Variants in HDAC9 observed in about 807,000 individuals in gnomAD.
HDAC9 encodes the protein MEF-2 interacting transcription repressor (MITR) protein.
HDAC9 carries 41 observed loss-of-function variants against 139.4 expected under a neutral mutation model. The observed-to-expected ratio is 0.29, with a 90% CI of 0.23 to 0.38. The LOEUF (loss-of-function observed/expected upper bound fraction) is 0.38. Among genes scored for constraint, HDAC9 ranks in the 10% least tolerant of loss-of-function variants. The pLI is 1.00. For missense variants in HDAC9, 1,147 were observed against 1,297.0 expected, an observed-to-expected ratio of 0.88 and a Z score of 1.78; for synonymous variants, 517 against 476.2, an observed-to-expected ratio of 1.09 and a Z score of -1.12.
chr7:18,579,795 GTGTGTGTGTGTGTA>G (rs1169339295), intron 2 of HDAC9, among the ~76,000 whole-genome samples: 1 of 151,990 alleles, frequency 6.6e-6, no homozygotes, highest in African/African-American at 2.4e-5. Context: ...CCATGCCTGT[GTGTGTGTGTGTGTA>G]TGTGTGTGTG....
At chr7:18,213,477 T>C (rs1395609571) in intron 2 of HDAC9, among the ~76,000 whole-genome samples, 2 of 152,188 alleles carry the variant, frequency 1.3e-5, no homozygotes, top group South Asian at 2.1e-4. Context: ...TGCTTATTAA[T>C]GTGGTAGTTC....
intron 1 of HDAC9, among the ~76,000 whole-genome samples, chr7:18,481,744 T>C (rs1204022042): frequency 6.6e-6 from 1 of 152,226 alleles, no homozygotes; most frequent in African/African-American, 2.4e-5. Context: ...AGTTGTGATA[T>C]GAATCTTCAG....
At chr7:18,649,768 A>G (rs981542524) in intron 11 of HDAC9, among the ~76,000 whole-genome samples, 22 of 152,114 alleles carry the variant, frequency 1.4e-4, no homozygotes, top group Admixed American at 7.2e-4. Flanking sequence ...CCATCGTAAC[A>G]AGGGCAGAGC....
At chr7:18,815,484 G>A (rs1031861909) in intron 17 of HDAC9, among the ~76,000 whole-genome samples, 2 of 152,138 alleles carry the variant, frequency 1.3e-5, no homozygotes, top group Non-Finnish European at 2.9e-5. Flanking sequence ...TTCATAAAAG[G>A]CTCAACTTAA....
At chr7:18,708,690 G>T (rs996818877) in intron 12 of HDAC9, among the ~76,000 whole-genome samples, 4 of 152,254 alleles carry the variant, frequency 2.6e-5, no homozygotes, top group African/African-American at 9.6e-5. Context: ...AAAGGTTTGG[G>T]CTGTGAATGG....
intron 21 of HDAC9, among the ~76,000 whole-genome samples, chr7:18,856,628 C>T (rs1007724556): frequency 6.6e-6 from 1 of 152,088 alleles, no homozygotes; most frequent in Admixed American, 6.6e-5. Flanking sequence ...TACAAATGTG[C>T]AAATGCATTA....
At chr7:18,193,833 C>T (rs1304387989) in intron 2 of HDAC9, among the ~76,000 whole-genome samples, 1 of 152,138 alleles carries the variant, frequency 6.6e-6, no homozygotes, top group African/African-American at 2.4e-5. Context: ...CCTTGTTAGG[C>T]TGCTTCTTTG....
chr7:18,790,297 T>C (rs75581288), intron 16 of HDAC9, among the ~76,000 whole-genome samples: 4,162 of 152,300 alleles, frequency 0.027, 198 homozygotes, highest in African/African-American at 0.095. Context: ...CTGATTATAT[T>C]TGACTACCTT....
intron 12 of HDAC9, among the ~76,000 whole-genome samples, chr7:18,689,027 A>G (rs1782480457): frequency 1.3e-5 from 2 of 152,004 alleles, no homozygotes; most frequent in African/African-American, 4.8e-5. Flanking sequence ...CTGAACCTGT[A>G]TTCTGTCACA....
chr7:18,292,833 A>G (rs1404707938), intron 1 of HDAC9, among the ~76,000 whole-genome samples: 1 of 152,166 alleles, frequency 6.6e-6, no homozygotes, highest in Non-Finnish European at 1.5e-5. Flanking sequence ...TGGGACATGC[A>G]CAGTCAGACA....
intron 2 of HDAC9, among the ~76,000 whole-genome samples, chr7:18,559,163 C>T (rs1819785955): frequency 1.3e-5 from 2 of 152,198 alleles, no homozygotes; most frequent in Non-Finnish European, 2.9e-5. Context: ...TTAGTCTGTA[C>T]ACCTCCAGAA....
At chr7:18,414,313 CA>C (rs1228220089) in intron 1 of HDAC9, among the ~76,000 whole-genome samples, 2 of 146,688 alleles carry the variant, frequency 1.4e-5, no homozygotes, top group African/African-American at 2.5e-5. Flanking sequence ...CATTAAAGGA[CA>C]AAAAAAGACA....
chr7:18,644,862 G>C (rs10228036), intron 9 of HDAC9, 69 bp downstream of exon 9: 2 of 1,493,190 alleles, frequency 1.3e-6, no homozygotes, highest in Non-Finnish European at 1.8e-6. Flanking sequence ...ACTCTCTTTC[G>C]TGTTTTATGT....
At chr7:18,333,161 A>G (rs1019309574) in intron 1 of HDAC9, among the ~76,000 whole-genome samples, 2 of 151,556 alleles carry the variant, frequency 1.3e-5, no homozygotes, top group Non-Finnish European at 3.0e-5. Context: ...CAAGCCATTA[A>G]AAACTACTGA....
intron 12 of HDAC9, chr7:18,667,317 G>GT (rs1161805950): frequency 1.2e-5 from 12 of 984,654 alleles, no homozygotes; most frequent in Admixed American, 6.2e-5. Context: ...AAAAAACACA[G>GT]TAACAGGATG....
intron 1 of HDAC9, among the ~76,000 whole-genome samples, chr7:18,298,943 A>G (rs1184200589): frequency 6.6e-6 from 1 of 152,200 alleles, no homozygotes; most frequent in African/African-American, 2.4e-5. Flanking sequence ...AGTGTTCTGT[A>G]TTTATAGTTA....
intron 1 of HDAC9, among the ~76,000 whole-genome samples, chr7:18,150,077 G>GTTT (rs11422484): frequency 1.4e-5 from 2 of 142,826 alleles, no homozygotes; most frequent in African/African-American, 2.6e-5. Context: ...CTTTATTAGG[G>GTTT]TTTTTTTTTT....
intron 2 of HDAC9, among the ~76,000 whole-genome samples, chr7:18,191,486 G>A (rs940301270): frequency 2.0e-5 from 3 of 152,134 alleles, no homozygotes; most frequent in Non-Finnish European, 4.4e-5. Context: ...CAAACCCAGA[G>A]AACTCTCTTT....
chr7:18,419,582 A>G (rs962678332), intron 1 of HDAC9, among the ~76,000 whole-genome samples: 15 of 152,262 alleles, frequency 9.9e-5, no homozygotes, highest in Middle Eastern at 3.4e-3. Flanking sequence ...ACTCTATTCT[A>G]TGCACAATTT....
Sources: allele counts gnomAD v4.1 joint callset (sites outside exome capture counted in the v4.1 genomes callset), GRCh38; gene constraint gnomAD v4.1.1; transcripts MANE v1.5; gene names NCBI Gene and HGNC (gene_info 2026-07-23, HGNC 2026-07-21).